VPS8: variants seen among roughly 807,000 people sequenced by gnomAD.
VPS8 encodes the protein vacuolar protein sorting-associated protein 8 homolog.
A neutral mutation model predicts 216.4 loss-of-function variants in VPS8; 129 were observed. The ratio of observed to expected loss-of-function variants is 0.60; its 90% CI spans 0.52 to 0.69. The LOEUF (loss-of-function observed/expected upper bound fraction) is 0.69, where lower values mean the gene tolerates loss of function less well. Ranked by LOEUF, VPS8 falls within the 30% of genes least tolerant of loss-of-function variation. The pLI is 0.00. For missense variants in VPS8, 1,531 were observed against 1,683.5 expected, an observed-to-expected ratio of 0.91 and a Z score of 1.59; for synonymous variants, 571 against 565.4, an observed-to-expected ratio of 1.01 and a Z score of -0.14.
intron 45 of VPS8, among the ~76,000 whole-genome samples, chr3:185,023,420 G>A (rs1407067923): frequency 1.3e-5 from 2 of 152,026 alleles, no homozygotes; most frequent in East Asian, 3.9e-4. Context: ...GCTATTGGCT[G>A]GACGCAGCTC....
At chr3:184,984,500 T>A (rs1235046660) in intron 42 of VPS8, among the ~76,000 whole-genome samples, 1 of 151,688 alleles carries the variant, frequency 6.6e-6, no homozygotes, top group Non-Finnish European at 1.5e-5. Flanking sequence ...TCCATGTTGG[T>A]CAGGCTGGTC....
chr3:184,925,048 A>C, intron 30 of VPS8, 67 bp downstream of exon 30: 1 of 1,530,500 alleles, frequency 6.5e-7, no homozygotes, highest in Non-Finnish European at 8.8e-7. Context: ...CCTGGATTAC[A>C]CTGTTTCCTG....
At chr3:184,868,892 G>A in intron 18 of VPS8, 54 bp from the exon 19 acceptor site, 1 of 1,506,622 alleles carries the variant, frequency 6.6e-7, no homozygotes, top group South Asian at 1.2e-5. Flanking sequence ...TAGGAATTCT[G>A]ACTGGTGACT....
Position 184,982,427 on chromosome 3 carries a change from T to G in VPS8, c.3421-139T>G, listed in dbSNP as rs893307303. 5 of 606,766 alleles carry G rather than the reference T, an allele frequency of 8.2e-6. No homozygotes were observed. The South Asian group carries it at 9.7e-5, about 12-fold the overall frequency. 37.6% of individuals were successfully genotyped at this position (606,766 alleles called of 1,614,324 possible). A position where few individuals can be genotyped will look rare whatever the true frequency, so the allele number is the denominator to read the frequency against. ...GCCCCAAATATTTCCATTTTTATTT[T>G]TTCTAATGTTTACCAACAAATGTAT... On this transcript the variant is annotated intron_variant, in intron 40 of 47. Coordinates refer to ENST00000625842, the MANE Select transcript of VPS8 (RefSeq NM_001009921.3).
Position 184,936,344 on chromosome 3 carries a change from T to C in VPS8, c.2988+9T>C. On this transcript the variant is annotated intron_variant, in intron 35 of 47. Coordinates refer to ENST00000625842, the MANE Select transcript of VPS8 (RefSeq NM_001009921.3). ...TCATTAAAAAACTTCAGGTACATAT[T>C]GCAAATATATATTGGGGAAAAATAT... 1 of 1,597,920 alleles carries C rather than the reference T, an allele frequency of 6.3e-7. No individual in the cohort carries two copies. The highest frequency in any genetic ancestry group is 8.5e-7 in the Non-Finnish European group (1 of 1,170,652).
At position 184,957,500 on chromosome 3, in the gene VPS8, C is replaced by T. The variant is rs768757793; in HGVS notation, c.3162C>T (p.Tyr1054=). 12 of 1,611,182 alleles carry T rather than the reference C, an allele frequency of 7.4e-6. No homozygotes were observed. In the Admixed American group the frequency reaches 2.0e-4, roughly 27 times the overall value. ...AGACTCTGCAAGTCCTTGAGTGCTA[C>T]CGTCTGGAAGAAACTATTCAGGTGA... ...VIETLQVLEC[Y]RLEETIQITQ... is the part of the protein sequence containing the mutation. The change falls in exon 37 of 48, where the codon TAC becomes TAT. Residue 1054 remains tyrosine (Y), a synonymous_variant. Transcript: ENST00000625842.
intron 36 of VPS8, among the ~76,000 whole-genome samples, chr3:184,943,808 A>G (rs1185255843): frequency 1.3e-5 from 2 of 152,186 alleles, no homozygotes; most frequent in Non-Finnish European, 2.9e-5. Context: ...TTAATTTAAC[A>G]TTTACATGTA....
intron 10 of VPS8, among the ~76,000 whole-genome samples, chr3:184,851,693 C>T (rs773957104): frequency 6.6e-5 from 10 of 152,066 alleles, no homozygotes; most frequent in Admixed American, 1.3e-4. Context: ...CTTAACTATG[C>T]GTGTGTTTGG....
intron 24 of VPS8, among the ~76,000 whole-genome samples, chr3:184,899,885 C>G (rs1734173916): frequency 6.6e-6 from 1 of 152,096 alleles, no homozygotes; most frequent in Non-Finnish European, 1.5e-5. Flanking sequence ...TTAATAAAAT[C>G]TGGTTTGCAT....
chr3:184,950,758 C>G (rs1325524925), intron 36 of VPS8, among the ~76,000 whole-genome samples: 1 of 152,042 alleles, frequency 6.6e-6, no homozygotes, highest in African/African-American at 2.4e-5. Flanking sequence ...TGTTCTTCCC[C>G]TCCCTGTGTC....
At chr3:185,020,559 C>A (rs938518454) in intron 45 of VPS8, among the ~76,000 whole-genome samples, 2 of 151,672 alleles carry the variant, frequency 1.3e-5, no homozygotes, top group African/African-American at 2.4e-5. Flanking sequence ...CATCCTGGAC[C>A]TCCCGGGCTC....
chr3:185,023,528 G>A (rs747252397), intron 45 of VPS8, among the ~76,000 whole-genome samples: 15 of 152,080 alleles, frequency 9.9e-5, no homozygotes, highest in African/African-American at 1.9e-4. Flanking sequence ...GCATGGTGGC[G>A]CATACCTGTA....
rs750759982 is a variant in VPS8, at chr3:184,853,832, C to G, written c.822-25C>G. The G allele has an allele frequency of 1.9e-6, 3 of 1,553,052 alleles. No individual in the cohort carries two copies. In the Admixed American group the frequency reaches 5.9e-5, roughly 30 times the overall value. On this transcript the variant is annotated intron_variant, in intron 11 of 47. Coordinates refer to ENST00000625842, the MANE Select transcript of VPS8 (RefSeq NM_001009921.3). ...GCCTTGGATCATTGCTAAATTGATTCTGAATTTTCAAATTGCATTTTCAGG... is the reference window on the plus strand; with the variant it reads ...GCCTTGGATCATTGCTAAATTGATTGTGAATTTTCAAATTGCATTTTCAGG...
intron 45 of VPS8, among the ~76,000 whole-genome samples, chr3:185,015,472 C>T (rs1451629838): frequency 6.6e-6 from 1 of 152,186 alleles, no homozygotes; most frequent in East Asian, 1.9e-4. Context: ...GTCAATACCT[C>T]AATTACAGCT....
chr3:184,912,682 C>A (rs1201293022), intron 25 of VPS8, among the ~76,000 whole-genome samples: 2 of 152,094 alleles, frequency 1.3e-5, no homozygotes, highest in Non-Finnish European at 2.9e-5. Flanking sequence ...GGAATGGAAG[C>A]AAAATGTAGT....
At chr3:184,913,632 A>G (rs372996051) in intron 26 of VPS8, 71 bp downstream of exon 26, 68 of 1,254,896 alleles carry the variant, frequency 5.4e-5, no homozygotes, top group Middle Eastern at 2.5e-4. Flanking sequence ...TAGAGATACT[A>G]TGATCTCTTA....
At chr3:184,917,794 C>T (rs766323052) in intron 28 of VPS8, among the ~76,000 whole-genome samples, 1 of 152,056 alleles carries the variant, frequency 6.6e-6, no homozygotes, top group Non-Finnish European at 1.5e-5. Flanking sequence ...AAAAAGATTC[C>T]CTTTGACTCT....
At chr3:184,944,359 G>T (rs1743296977) in intron 36 of VPS8, 2 of 240,936 alleles carry the variant, frequency 8.3e-6, no homozygotes, top group African/African-American at 2.3e-5. Flanking sequence ...TTGGGAGAGA[G>T]GATTTGCATC....
intron 36 of VPS8, among the ~76,000 whole-genome samples, chr3:184,944,202 C>T (rs140942442): frequency 0.012 from 1,764 of 152,256 alleles, 39 homozygotes; most frequent in African/African-American, 0.04. Context: ...TTATGTCATC[C>T]TTGTTATGTA....
Sources: gnomAD v4.1 joint callset for allele counts (sites outside exome capture counted in the v4.1 genomes callset) on GRCh38, gnomAD v4.1.1 for gene constraint, MANE v1.5 for transcripts, NCBI Gene and HGNC (gene_info 2026-07-23, HGNC 2026-07-21) for gene names.